The following EDIL3 variants were observed in gnomAD, a reference collection of about 807,000 sequenced individuals.
EDIL3 encodes EGF like and discoidin domains 3, also known as EGF-like repeat and discoidin I-like domain-containing protein 3.
Under a neutral mutation model 67.4 loss-of-function variants are expected in EDIL3, and 37 were observed. That is an observed-to-expected ratio of 0.55 (90% confidence interval 0.42 to 0.72). EDIL3 has a LOEUF of 0.72. EDIL3 is among the 30% of genes least tolerant of loss of function. The pLI, the probability that EDIL3 is intolerant of heterozygous loss-of-function variation, is 0.00. For synonymous variants in EDIL3, 195 were observed against 196.3 expected, an observed-to-expected ratio of 0.99 and a Z score of 0.05; for missense variants, 527 against 586.3, an observed-to-expected ratio of 0.90 and a Z score of 1.04.
At chr5:83,998,723 GAC>G (rs1002901724) in intron 9 of EDIL3, among the ~76,000 whole-genome samples, 1 of 152,216 alleles carries the variant, frequency 6.6e-6, no homozygotes, top group Non-Finnish European at 1.5e-5. Context: ...TGAAGGGAAA[GAC>G]ACACATTTGG....
intron 1 of EDIL3, among the ~76,000 whole-genome samples, chr5:84,272,801 T>C (rs1745502983): frequency 6.6e-6 from 1 of 152,198 alleles, no homozygotes; most frequent in Non-Finnish European, 1.5e-5. Context: ...TAAACAGCAC[T>C]ATAAAAATCC....
chr5:84,151,939 A>T, intron 4 of EDIL3, among the ~76,000 whole-genome samples: 3 of 141,920 alleles, frequency 2.1e-5, no homozygotes, highest in South Asian at 2.2e-4. Context: ...TTTGAGATGG[A>T]CTCTAGATCT....
intron 9 of EDIL3, among the ~76,000 whole-genome samples, chr5:84,055,814 G>T (rs1746435183): frequency 6.6e-6 from 1 of 152,110 alleles, no homozygotes; most frequent in African/African-American, 2.4e-5. Context: ...GAAACAACAG[G>T]TGCTGGAGAG....
At chr5:84,366,706 G>A (rs1293401380) in intron 1 of EDIL3, among the ~76,000 whole-genome samples, 1 of 152,130 alleles carries the variant, frequency 6.6e-6, no homozygotes, top group African/African-American at 2.4e-5. Context: ...AACTACGAAA[G>A]ACTCTAGAAA....
chr5:84,371,307 T>C (rs1747839818), intron 1 of EDIL3, among the ~76,000 whole-genome samples: 1 of 107,742 alleles, frequency 9.3e-6, no homozygotes, highest in East Asian at 2.1e-4. Context: ...AAGAGATACA[T>C]ATAGATAAAA....
At position 83,940,831 on chromosome 5, in the gene EDIL3, C is replaced by T. The variant is rs555830543; in HGVS notation, c.*2588G>A. On this transcript the variant is annotated 3_prime_UTR_variant, in exon 11 of 11. Coordinates refer to ENST00000296591, the MANE Select transcript of EDIL3 (RefSeq NM_005711.5). The stretch of plus-strand genomic sequence containing the variant: ...AGCAAAGATACAATCATTAGTAACC[C>T]AAGTCTTCAAAATTCACACCAAACT... The T allele has an allele frequency of 1.3e-5, 2 of 151,958 alleles. No individual in the cohort carries two copies. Among genetic ancestry groups the T allele is most frequent in the South Asian group, 2.1e-4 (1 of 4,810 alleles). 9.4% of individuals were successfully genotyped at this position (151,958 alleles called of 1,614,324 possible). A position where few individuals can be genotyped will look rare whatever the true frequency, so the allele number is the denominator to read the frequency against.
Position 84,317,916 on chromosome 5 carries a change from A to G in EDIL3, c.68-63704T>C, listed in dbSNP as rs141275649. 4.0e-3 allele frequency among the ~76,000 whole-genome samples: 612 copies of G among 152,304 alleles called. 1 individual carries two copies. Among genetic ancestry groups the G allele is most frequent in the African/African-American group, 0.014 (576 of 41,558 alleles). On this transcript the variant is annotated intron_variant, in intron 1 of 10. Coordinates refer to ENST00000296591, the MANE Select transcript of EDIL3 (RefSeq NM_005711.5). ...CATGACTGTATATTTAGAAAACTCC[A>G]TCGTCTCAGCCCAAAATCTCCTTAA...
rs1034097627 is a variant in EDIL3 at position 84,160,789 on chromosome 5, C to T, written c.355+19604G>A. On this transcript the variant is annotated intron_variant, in intron 4 of 10. Transcript: ENST00000296591. ...CCTTTCCTTTCCTTTCCTTTCCTTT[C>T]CTTTCCTTTCCTTTCCTTTCCTTTC... Among the ~76,000 whole-genome samples, 124 of 96,360 alleles carry T rather than the reference C, an allele frequency of 1.3e-3. 1 individual carries two copies. The highest frequency in any genetic ancestry group is 4.3e-3 in the African/African-American group (115 of 26,964). 63.2% of individuals were successfully genotyped at this position (96,360 alleles called of 152,430 possible).
At chr5:84,231,167 T>C (rs191801946) in intron 2 of EDIL3, among the ~76,000 whole-genome samples, 2 of 152,294 alleles carry the variant, frequency 1.3e-5, no homozygotes, top group Admixed American at 1.3e-4. Flanking sequence ...ATCTTGTTGA[T>C]TCCTGTTTTA....
intron 6 of EDIL3, among the ~76,000 whole-genome samples, chr5:84,070,518 C>T (rs1194718835): frequency 6.6e-6 from 1 of 151,968 alleles, no homozygotes; most frequent in African/African-American, 2.4e-5. Flanking sequence ...GAACTTTTCC[C>T]GTTTCAATAA....
chr5:84,260,525 A>G (rs1174724412), intron 1 of EDIL3, among the ~76,000 whole-genome samples: 2 of 152,106 alleles, frequency 1.3e-5, no homozygotes, highest in East Asian at 3.9e-4. Flanking sequence ...TACTAAGCTT[A>G]CTCTTTATAT....
chr5:84,110,858 G>C (rs1747551120), intron 5 of EDIL3, among the ~76,000 whole-genome samples: 1 of 152,066 alleles, frequency 6.6e-6, no homozygotes, highest in South Asian at 2.1e-4. Flanking sequence ...TAACACTGAG[G>C]ATGTAATGGA....
chr5:84,185,313 A>C (rs1413215671), intron 3 of EDIL3, among the ~76,000 whole-genome samples: 2 of 152,190 alleles, frequency 1.3e-5, no homozygotes, highest in African/African-American at 2.4e-5. Flanking sequence ...AAATGGAAAC[A>C]TTTCAGAATA....
intron 5 of EDIL3, among the ~76,000 whole-genome samples, chr5:84,109,582 A>G (rs748849115): frequency 1.4e-4 from 21 of 152,228 alleles, no homozygotes; most frequent in Admixed American, 3.3e-4. Context: ...ATGATATATT[A>G]TAGGGTTATA....
rs372492778 is a variant in EDIL3 at position 84,138,058 on chromosome 5, C to T, written c.356-704G>A. On this transcript the variant is annotated intron_variant, in intron 4 of 10. Transcript: ENST00000296591. ...TGCTAATTTTGGACAACAGAGAAAA[C>T]AAATATGACTTTGAACACAAAAGAA... Among the ~76,000 whole-genome samples, 9 of 152,246 alleles carry T rather than the reference C, an allele frequency of 5.9e-5. No homozygotes were observed. The East Asian group carries it at 1.7e-3, about 29-fold the overall frequency.
At chr5:84,218,664 C>T (rs1580382887) in intron 3 of EDIL3, among the ~76,000 whole-genome samples, 1 of 152,196 alleles carries the variant, frequency 6.6e-6, no homozygotes, top group East Asian at 1.9e-4. Context: ...CTGTACTGGA[C>T]CAGAGGGGAG....
intron 3 of EDIL3, among the ~76,000 whole-genome samples, chr5:84,202,745 T>G (rs572535908): frequency 6.6e-6 from 1 of 152,214 alleles, no homozygotes; most frequent in African/African-American, 2.4e-5. Flanking sequence ...AGTCTGAAAT[T>G]CAAAAGAGAA....
chr5:83,967,810 A>T (rs1744724434), intron 9 of EDIL3, among the ~76,000 whole-genome samples: 1 of 152,140 alleles, frequency 6.6e-6, no homozygotes, highest in South Asian at 2.1e-4. Context: ...ATGAAAAGTG[A>T]TACAGATAAA....
chr5:84,367,165 G>A (rs1428932169), intron 1 of EDIL3, among the ~76,000 whole-genome samples: 1 of 152,102 alleles, frequency 6.6e-6, no homozygotes, highest in Non-Finnish European at 1.5e-5. Flanking sequence ...TAACAGTTTG[G>A]TAGGAAAAAC....
Sources: gnomAD v4.1 joint callset for allele counts (sites outside exome capture counted in the v4.1 genomes callset) on GRCh38, gnomAD v4.1.1 for gene constraint, MANE v1.5 for transcripts, NCBI Gene and HGNC (gene_info 2026-07-23, HGNC 2026-07-21) for gene names.